Variants in NPRL3 observed in about 807,000 individuals in gnomAD.
NPRL3 encodes the protein GATOR1 complex protein NPRL3.
A neutral mutation model predicts 57.2 loss-of-function variants in NPRL3; 23 were observed. The ratio of observed to expected loss-of-function variants is 0.40; its 90% CI spans 0.29 to 0.57. The LOEUF (loss-of-function observed/expected upper bound fraction) is 0.57, where lower values mean the gene tolerates loss of function less well. Among genes scored for constraint, NPRL3 ranks in the 20% least tolerant of loss-of-function variants. NPRL3 has a pLI of 0.42. For synonymous variants in NPRL3, 333 were observed against 321.1 expected, an observed-to-expected ratio of 1.04 and a Z score of -0.39; for missense variants, 691 against 767.1, an observed-to-expected ratio of 0.90 and a Z score of 1.17.
chr16:117,313 C>T lies in NPRL3; in HGVS notation c.381G>A (p.Val127=), dbSNP rs754450555. The T allele has an allele frequency of 1.2e-6, 2 of 1,611,236 alleles. No homozygotes were observed. Among genetic ancestry groups the T allele is most frequent in the East Asian group, 2.2e-5 (1 of 44,866 alleles). ...TATAAACACTCACCCTCAGTGCAAA[C>T]ACCACATTAAAAAGAATCATAGTAG... is the stretch of plus-strand genomic sequence containing the variant. ...EAPTMILFNV[V]FALRANADPS... The change falls in exon 5 of 14, where the codon GTG becomes GTA. Residue 127 remains valine (V), a synonymous_variant. Transcript: ENST00000611875.
chr16:103,296 A>ATGTTTTTTT (rs1899380750), intron 7 of NPRL3, among the ~76,000 whole-genome samples: 1 of 42,108 alleles, frequency 2.4e-5, no homozygotes, highest in South Asian at 1.2e-3. Flanking sequence ...GCCTGGGGTG[A>ATGTTTTTTT]TTTTTTTTTT....
chr16:133,012 T>C (rs1029724538), intron 2 of NPRL3, among the ~76,000 whole-genome samples: 1 of 152,156 alleles, frequency 6.6e-6, no homozygotes, highest in African/African-American at 2.4e-5. Flanking sequence ...TTTCCTTAAA[T>C]CTCATGAACT....
Position 96,003 on chromosome 16 carries a change from G to A in NPRL3, c.924+2142C>T, listed in dbSNP as rs565190537. 1.1e-4 allele frequency among the ~76,000 whole-genome samples: 16 copies of A among 152,344 alleles called. No homozygotes were observed. In the South Asian group the frequency reaches 2.3e-3, roughly 22 times the overall value. On this transcript the variant is annotated intron_variant, in intron 9 of 13. Coordinates refer to ENST00000611875, the MANE Select transcript of NPRL3 (RefSeq NM_001077350.3). ...TCCGCACCGCCACACCAGCAGCAAC[G>A]CCCTGCTGACCTGCAGCAGGGACAG...
At chr16:124,413 C>G (rs1399750340) in intron 3 of NPRL3, among the ~76,000 whole-genome samples, 1 of 151,568 alleles carries the variant, frequency 6.6e-6, no homozygotes, top group Non-Finnish European at 1.5e-5. Context: ...GCTACTCAAG[C>G]TGGTCTCATA....
intron 3 of NPRL3, among the ~76,000 whole-genome samples, chr16:120,329 C>T (rs2238368): frequency 0.36 from 54,324 of 152,030 alleles, 10,643 homozygotes; most frequent in Non-Finnish European, 0.45. Context: ...TGAGGACAGA[C>T]ATTCTAGGGT....
In NPRL3 at chr16:85,547, C is replaced by T. The variant is rs1318226385; in HGVS notation, c.*1158G>A. The T allele has an allele frequency of 2.5e-6, 4 of 1,613,290 alleles. No homozygotes were observed. In the Admixed American group the frequency reaches 5.0e-5, roughly 20 times the overall value. Reference sequence around the variant, plus strand: ...CTGCAGTGGCCCCTCCAAGCTGTGCCAGGCCCTGGCCATCAACAAGAGCTT... The same window carrying T: ...CTGCAGTGGCCCCTCCAAGCTGTGCTAGGCCCTGGCCATCAACAAGAGCTT... On this transcript the variant is annotated 3_prime_UTR_variant, in exon 14 of 14. Coordinates refer to ENST00000611875, the MANE Select transcript of NPRL3 (RefSeq NM_001077350.3).
At chr16:117,518 G>A (rs1362672500) in intron 4 of NPRL3, 143 bp from the exon 5 acceptor site, 2 of 620,530 alleles carry the variant, frequency 3.2e-6, no homozygotes, top group East Asian at 2.8e-5. Context: ...TGCTCTGGAG[G>A]CGTGCCTACT....
intron 5 of NPRL3, 72 bp from the exon 6 acceptor site, chr16:112,847 C>A: frequency 7.2e-7 from 1 of 1,388,992 alleles, no homozygotes. Context: ...TTAAATGGAG[C>A]TAACACAGGT....
At chr16:114,352 C>T (rs934064414) in intron 5 of NPRL3, among the ~76,000 whole-genome samples, 2 of 152,136 alleles carry the variant, frequency 1.3e-5, no homozygotes, top group African/African-American at 4.8e-5. Context: ...TGTGCCAGCA[C>T]TAATGGGAAC....
chr16:107,702 G>C (rs1170914276), intron 7 of NPRL3, among the ~76,000 whole-genome samples: 1 of 152,132 alleles, frequency 6.6e-6, no homozygotes, highest in African/African-American at 2.4e-5. Context: ...GCTGGGGCTG[G>C]AGTACAGTGG....
Position 91,727 on chromosome 16 carries a change from G to A in NPRL3, c.1161+869C>T, listed in dbSNP as rs544036817. 5.9e-5 allele frequency among the ~76,000 whole-genome samples: 9 copies of A among 152,336 alleles called. No individual in the cohort carries two copies. In the South Asian group the frequency reaches 8.3e-4, roughly 14 times the overall value. ...TCGTTCTCATTCGTAATTTGAGAAC[G>A]GAAAGGGTTTAACTTTAAGGACTGG... On this transcript the variant is annotated intron_variant, in intron 11 of 13. Coordinates refer to ENST00000611875, the MANE Select transcript of NPRL3 (RefSeq NM_001077350.3).
At chr16:109,246 C>T (rs549760223) in intron 7 of NPRL3, among the ~76,000 whole-genome samples, 18 of 151,330 alleles carry the variant, frequency 1.2e-4, no homozygotes, top group East Asian at 9.7e-4. Context: ...GGATTACAGG[C>T]GTGAGTCACC....
At chr16:127,950 C>T (rs1040567159) in intron 3 of NPRL3, among the ~76,000 whole-genome samples, 13 of 151,762 alleles carry the variant, frequency 8.6e-5, no homozygotes, top group East Asian at 1.9e-4. Flanking sequence ...CCACTGCGCC[C>T]GGCCGCAAGT....
chr16:88,071 G>A lies in NPRL3; in HGVS notation c.1544+627C>T, dbSNP rs1210046645. ...AGTCCCTGACAACCCGACCACTCCC[G>A]GGAAACTATGCCCCTGCACTGTCCC... On this transcript the variant is annotated intron_variant, in intron 13 of 13. Coordinates refer to ENST00000611875, the MANE Select transcript of NPRL3 (RefSeq NM_001077350.3). Among the ~76,000 whole-genome samples the A allele has an allele frequency of 6.6e-5, 10 of 152,076 alleles. No homozygotes were observed. The South Asian group carries it at 8.3e-4, about 13-fold the overall frequency.
chr16:96,134 T>A lies in NPRL3; in HGVS notation c.924+2011A>T, dbSNP rs377578603. 4.3e-4 allele frequency among the ~76,000 whole-genome samples: 66 copies of A among 152,158 alleles called. 1 individual carries two copies. In the South Asian group the frequency reaches 0.013, roughly 30 times the overall value. On this transcript the variant is annotated intron_variant, in intron 9 of 13. Transcript: ENST00000611875. ...GGGGACATCAAAAGGAGACCAAAGCTTTGTCCAAGGAGACTCTGAGAGCAA... is the reference window on the plus strand; with the variant it reads ...GGGGACATCAAAAGGAGACCAAAGCATTGTCCAAGGAGACTCTGAGAGCAA...
intron 5 of NPRL3, among the ~76,000 whole-genome samples, chr16:116,473 T>C (rs548027592): frequency 6.6e-6 from 1 of 152,266 alleles, no homozygotes; most frequent in South Asian, 2.1e-4. Context: ...CATTAACAAA[T>C]CATTTTGTTT....
Position 108,903 on chromosome 16 carries a change from C to T in NPRL3, c.629+1622G>A, listed in dbSNP as rs577612483. Among the ~76,000 whole-genome samples, 6 of 151,298 alleles carry T rather than the reference C, an allele frequency of 4.0e-5. No individual in the cohort carries two copies. The East Asian group carries it at 1.2e-3, about 29-fold the overall frequency. ...GCCAGGCTGGTCTCGAACTCCTGAC[C>T]TCGTGCTCCACCCGCCTCAGCCTGG... On this transcript the variant is annotated intron_variant, in intron 7 of 13. Coordinates refer to ENST00000611875, the MANE Select transcript of NPRL3 (RefSeq NM_001077350.3).
At chr16:95,350 T>TATATATATATATATAC (rs1223611120) in intron 9 of NPRL3, among the ~76,000 whole-genome samples, 1 of 110,990 alleles carries the variant, frequency 9.0e-6, no homozygotes, top group Admixed American at 9.3e-5. Flanking sequence ...TATATATATA[T>TATATATATATATATAC]ACACACACAC....
chr16:112,266 C>T (rs926658375), intron 6 of NPRL3, among the ~76,000 whole-genome samples: 3 of 152,224 alleles, frequency 2.0e-5, no homozygotes, highest in Non-Finnish European at 4.4e-5. Flanking sequence ...ACACATCCAG[C>T]CAGGAAAATT....
Sources: allele counts gnomAD v4.1 joint callset (sites outside exome capture counted in the v4.1 genomes callset), GRCh38; gene constraint gnomAD v4.1.1; transcripts MANE v1.5; gene names NCBI Gene and HGNC (gene_info 2026-07-23, HGNC 2026-07-21).